Variants in FBXW7 observed in about 807,000 individuals in gnomAD.
The protein encoded by FBXW7 is F-box/WD repeat-containing protein 7.
In FBXW7, 11 loss-of-function variants were observed where a neutral mutation model predicts 86.3. That is an observed-to-expected ratio of 0.13 (90% CI 0.08 to 0.21). The LOEUF is 0.21. Among genes scored for constraint, FBXW7 ranks in the 10% least tolerant of loss-of-function variants. The pLI, the probability that FBXW7 is intolerant of heterozygous loss-of-function variation, is 1.00. For synonymous variants in FBXW7, 313 were observed against 297.9 expected, an observed-to-expected ratio of 1.05 and a Z score of -0.52; for missense variants, 488 against 847.4, an observed-to-expected ratio of 0.58 and a Z score of 5.27.
At chr4:152,527,169 A>G (rs1224146972) in intron 2 of FBXW7, among the ~76,000 whole-genome samples, 1 of 152,246 alleles carries the variant, frequency 6.6e-6, no homozygotes, top group African/African-American at 2.4e-5. Flanking sequence ...GTTTTCCTCC[A>G]TCAACAGGTG....
chr4:152,426,462 G>A (rs1279748566), intron 2 of FBXW7, among the ~76,000 whole-genome samples: 5 of 151,434 alleles, frequency 3.3e-5, no homozygotes, highest in Non-Finnish European at 7.4e-5. Flanking sequence ...CGATTCTTCT[G>A]CCTCAGCCTC....
intron 2 of FBXW7, among the ~76,000 whole-genome samples, chr4:152,482,937 TAC>T (rs1489336014): frequency 2.0e-5 from 3 of 152,176 alleles, no homozygotes; most frequent in African/African-American, 7.2e-5. Context: ...GAGATCATAC[TAC>T]ACAGATCATT....
In FBXW7 at chr4:152,401,972, G is replaced by C. The variant is rs1736972589; in HGVS notation, c.501+9331C>G. 2.0e-5 allele frequency among the ~76,000 whole-genome samples: 3 copies of C among 152,156 alleles called. No individual in the cohort carries two copies. In the South Asian group the frequency reaches 6.2e-4, roughly 31 times the overall value. ...AGGACAAGTGTATTTCTTCTTACCAGATTGGAGGGATAGAAGAAAAAAGAT... is the reference window on the plus strand; with the variant it reads ...AGGACAAGTGTATTTCTTCTTACCACATTGGAGGGATAGAAGAAAAAAGAT... On this transcript the variant is annotated intron_variant, in intron 4 of 13. Coordinates refer to ENST00000281708, the MANE Select transcript of FBXW7 (RefSeq NM_001349798.2).
intron 4 of FBXW7, among the ~76,000 whole-genome samples, chr4:152,407,488 C>G (rs1410835442): frequency 1.3e-5 from 2 of 152,206 alleles, no homozygotes; most frequent in Non-Finnish European, 2.9e-5. Flanking sequence ...CTATCATTCT[C>G]TAGAACTCTA....
Position 152,363,371 on chromosome 4 carries a change from T to G in FBXW7, c.502-13247A>C, listed in dbSNP as rs183354581. Among the ~76,000 whole-genome samples the G allele has an allele frequency of 2.6e-3, 398 of 152,226 alleles. 5 individuals carry two copies. The highest frequency in any genetic ancestry group is 9.9e-4 in the Non-Finnish European group (67 of 68,004). On this transcript the variant is annotated intron_variant, in intron 4 of 13. Coordinates refer to ENST00000281708, the MANE Select transcript of FBXW7 (RefSeq NM_001349798.2). ...ATGCAAAATTGAGCAAGATGTAATA[T>G]CTATCCTGGAAGCACTCCCAACTCA... is the stretch of plus-strand genomic sequence containing the variant.
intron 2 of FBXW7, among the ~76,000 whole-genome samples, chr4:152,436,942 G>A (rs1740435369): frequency 6.6e-6 from 1 of 152,152 alleles, no homozygotes; most frequent in Non-Finnish European, 1.5e-5. Context: ...TGATGGAGAT[G>A]TACATGGAGA....
In FBXW7 at chr4:152,337,961, T is replaced by C. The variant is rs1431078774; in HGVS notation, c.727-25A>G. Reference sequence around the variant, plus strand: ...TCTATCAAAGAGAATTAGAAATTTTTATTGTTTTAACAGATGTCCCAAATT... The same window carrying C: ...TCTATCAAAGAGAATTAGAAATTTTCATTGTTTTAACAGATGTCCCAAATT... On this transcript the variant is annotated intron_variant, in intron 6 of 13. Coordinates refer to ENST00000281708, the MANE Select transcript of FBXW7 (RefSeq NM_001349798.2). 3.2e-6 allele frequency: 5 copies of C among 1,585,340 alleles called. No individual in the cohort carries two copies. The East Asian group carries it at 1.1e-4, about 36-fold the overall frequency.
intron 4 of FBXW7, among the ~76,000 whole-genome samples, chr4:152,360,872 G>C (rs944356863): frequency 6.7e-6 from 1 of 148,896 alleles, no homozygotes; most frequent in East Asian, 1.9e-4. Context: ...TAAAATGCCA[G>C]CCAACATTTG....
chr4:152,529,289 G>C (rs1030547266), intron 2 of FBXW7, among the ~76,000 whole-genome samples: 2 of 151,958 alleles, frequency 1.3e-5, no homozygotes, highest in African/African-American at 4.8e-5. Flanking sequence ...CAAATAAATA[G>C]GGAAAGCAAC....
chr4:152,331,542 G>C (rs560469233), intron 8 of FBXW7, among the ~76,000 whole-genome samples: 1 of 152,120 alleles, frequency 6.6e-6, no homozygotes, highest in East Asian at 1.9e-4. Context: ...GAAAGTAAAA[G>C]GGTGGTTGCC....
chr4:152,508,660 A>G (rs964247698), intron 2 of FBXW7, among the ~76,000 whole-genome samples: 33 of 151,922 alleles, frequency 2.2e-4, no homozygotes, highest in African/African-American at 6.8e-4. Flanking sequence ...ACTGCAAAAA[A>G]AAAAAAGAAA....
chr4:152,443,694 G>T (rs1224652400), intron 2 of FBXW7, among the ~76,000 whole-genome samples: 1 of 152,032 alleles, frequency 6.6e-6, no homozygotes, highest in Non-Finnish European at 1.5e-5. Context: ...GGGTGGGTAG[G>T]TAAAGGCATA....
chr4:152,467,976 C>CCT (rs1743609304), intron 2 of FBXW7, among the ~76,000 whole-genome samples: 1 of 141,724 alleles, frequency 7.1e-6, no homozygotes, highest in Admixed American at 7.2e-5. Context: ...AAAAGATAAT[C>CCT]TTTTTTTTTT....
chr4:152,463,503 A>C (rs1408659461), intron 2 of FBXW7, among the ~76,000 whole-genome samples: 1 of 152,088 alleles, frequency 6.6e-6, no homozygotes, highest in Non-Finnish European at 1.5e-5. Context: ...TGTAGACAAG[A>C]AGTGGTCAGA....
chr4:152,398,061 G>T (rs1736577424), intron 4 of FBXW7, among the ~76,000 whole-genome samples: 2 of 151,638 alleles, frequency 1.3e-5, no homozygotes, highest in Admixed American at 6.6e-5. Context: ...AATGCTAGCT[G>T]CTTGTTAAAA....
chr4:152,506,334 T>C (rs1747426039), intron 2 of FBXW7, among the ~76,000 whole-genome samples: 1 of 152,198 alleles, frequency 6.6e-6, no homozygotes, highest in Non-Finnish European at 1.5e-5. Context: ...GGTTTCACCG[T>C]GTTAGCCAGG....
In FBXW7 at chr4:152,321,988, T is replaced by C. The variant is rs945134507; in HGVS notation, c.*893A>G. Reference sequence around the variant, plus strand: ...TCAGTGGCAAAAAGTCTTTTTTCCATAACCAAACTAGAGCAAATTTGGAAT... The same window carrying C: ...TCAGTGGCAAAAAGTCTTTTTTCCACAACCAAACTAGAGCAAATTTGGAAT... On this transcript the variant is annotated 3_prime_UTR_variant, in exon 14 of 14. Transcript: ENST00000281708. 3.0e-5 allele frequency: 7 copies of C among 232,794 alleles called. No individual in the cohort carries two copies. Among genetic ancestry groups the C allele is most frequent in the African/African-American group, 1.1e-4 (5 of 45,258 alleles). The allele number at this position is 232,794 out of a possible 1,614,324, so 14.4% of individuals were successfully genotyped here.
intron 4 of FBXW7, among the ~76,000 whole-genome samples, chr4:152,410,584 T>A (rs1322244987): frequency 3.3e-5 from 5 of 152,168 alleles, no homozygotes; most frequent in African/African-American, 1.2e-4. Flanking sequence ...CAATTATTAT[T>A]AATCCAAGTG....
chr4:152,412,906 A>T lies in FBXW7; in HGVS notation c.-119-377T>A, dbSNP rs556288289. Among the ~76,000 whole-genome samples the T allele has an allele frequency of 2.0e-5, 3 of 152,164 alleles. No individual in the cohort carries two copies. The East Asian group carries it at 5.8e-4, about 29-fold the overall frequency. ...ATTTCTCAATTTTTATATATCAAGC[A>T]TGTTTGCCTTTATGTTTTTTAACCT... On this transcript the variant is annotated intron_variant, in intron 2 of 13. Coordinates refer to ENST00000281708, the MANE Select transcript of FBXW7 (RefSeq NM_001349798.2).
Sources: gnomAD v4.1 joint callset for allele counts (sites outside exome capture counted in the v4.1 genomes callset) on GRCh38, gnomAD v4.1.1 for gene constraint, MANE v1.5 for transcripts, NCBI Gene and HGNC (gene_info 2026-07-23, HGNC 2026-07-21) for gene names.